MTBP: variants seen among roughly 807,000 people sequenced by gnomAD.
The protein encoded by MTBP is MDM2 binding protein, also known as mdm2-binding protein.
A neutral mutation model predicts 117.0 loss-of-function variants in MTBP; 101 were observed. The ratio of observed to expected loss-of-function variants is 0.86; its 90% CI spans 0.73 to 1.02. The LOEUF is 1.02. Among genes scored for constraint, MTBP ranks in the 50% least tolerant of loss-of-function variants. MTBP has a pLI of 0.00. For synonymous variants in MTBP, 350 were observed against 351.5 expected (o/e 1.00, Z 0.05); for missense variants, 970 against 1,030.9 (o/e 0.94, Z 0.81).
intron 13 of MTBP, among the ~76,000 whole-genome samples, chr8:120,491,721 C>T (rs1814350972): frequency 6.6e-6 from 1 of 152,144 alleles, no homozygotes; most frequent in Non-Finnish European, 1.5e-5. Flanking sequence ...TGCCATATGC[C>T]TCTGGCAGCT....
chr8:120,452,226 G>C (rs538738835), intron 4 of MTBP: 1 of 152,096 alleles, frequency 6.6e-6, no homozygotes, highest in South Asian at 2.1e-4. Context: ...TGACAAAACT[G>C]CTCTTATTTT....
At chr8:120,455,964 A>G (rs1813460660) in intron 6 of MTBP, among the ~76,000 whole-genome samples, 1 of 152,156 alleles carries the variant, frequency 6.6e-6, no homozygotes, top group Non-Finnish European at 1.5e-5. Flanking sequence ...GCAAGGATTA[A>G]TTGTATATTA....
intron 15 of MTBP, among the ~76,000 whole-genome samples, chr8:120,502,835 C>T (rs889040271): frequency 6.6e-6 from 1 of 152,200 alleles, no homozygotes; most frequent in Non-Finnish European, 1.5e-5. Context: ...TCTGTGTCAT[C>T]ACAGTGAACA....
chr8:120,502,398 C>G, intron 14 of MTBP, 94 bp from the exon 15 acceptor site: 1 of 761,230 alleles, frequency 1.3e-6, no homozygotes, highest in South Asian at 2.2e-5. Context: ...CACATACACA[C>G]ACACGTATGT....
chr8:120,461,053 A>G, intron 8 of MTBP, 108 bp from the exon 9 acceptor site: 1 of 731,378 alleles, frequency 1.4e-6, no homozygotes. Context: ...TTAATGTGTA[A>G]AAAGTTGCTT....
intron 9 of MTBP, among the ~76,000 whole-genome samples, chr8:120,462,628 A>T (rs1813604796): frequency 6.6e-6 from 1 of 152,184 alleles, no homozygotes; most frequent in South Asian, 2.1e-4. Context: ...ATCTATTATT[A>T]ATACTTCTTT....
chr8:120,463,928 A>G (rs977036144), intron 10 of MTBP, among the ~76,000 whole-genome samples, 167 bp downstream of exon 10: 1 of 152,086 alleles, frequency 6.6e-6, no homozygotes, highest in Admixed American at 6.6e-5. Context: ...GATACTTTGG[A>G]CTTTTCATAA....
intron 6 of MTBP, among the ~76,000 whole-genome samples, 182 bp downstream of exon 6, chr8:120,455,761 TTA>T (rs1251686027): frequency 6.6e-6 from 1 of 152,096 alleles, no homozygotes; most frequent in Non-Finnish European, 1.5e-5. Flanking sequence ...TATTTTATAT[TTA>T]TGTTTCTGAG....
intron 2 of MTBP, among the ~76,000 whole-genome samples, chr8:120,449,703 A>G (rs984744974): frequency 1.3e-5 from 2 of 152,188 alleles, no homozygotes; most frequent in Admixed American, 1.3e-4. Flanking sequence ...AAGAATAAGG[A>G]GCAGCCAGAA....
At chr8:120,464,480 T>G (rs775183225) in intron 10 of MTBP, among the ~76,000 whole-genome samples, 2 of 152,050 alleles carry the variant, frequency 1.3e-5, no homozygotes, top group African/African-American at 2.4e-5. Flanking sequence ...TTCTTATTGT[T>G]TTAATAACAA....
intron 5 of MTBP, 68 bp from the exon 6 acceptor site, chr8:120,455,367 G>C: frequency 1.2e-6 from 1 of 861,712 alleles, no homozygotes; most frequent in Non-Finnish European, 1.8e-6. Context: ...AGTTCTTCAG[G>C]GTACTATTTT....
intron 14 of MTBP, among the ~76,000 whole-genome samples, chr8:120,500,530 G>C (rs1431334165): frequency 6.6e-6 from 1 of 152,172 alleles, no homozygotes; most frequent in Non-Finnish European, 1.5e-5. Context: ...TTAGTGGAAA[G>C]CCGCATGAAC....
intron 10 of MTBP, among the ~76,000 whole-genome samples, chr8:120,467,851 G>A (rs1305425732): frequency 6.6e-6 from 1 of 152,200 alleles, no homozygotes; most frequent in Non-Finnish European, 1.5e-5. Context: ...TGTAGCAAAT[G>A]TCTAGTCAAT....
intron 14 of MTBP, 128 bp downstream of exon 14, chr8:120,497,682 T>C: frequency 1.6e-6 from 1 of 608,572 alleles, no homozygotes; most frequent in Non-Finnish European, 2.8e-6. Context: ...TAATAGATAC[T>C]TATATAGATA....
At chr8:120,492,562 A>T (rs1814367903) in intron 13 of MTBP, among the ~76,000 whole-genome samples, 2 of 152,154 alleles carry the variant, frequency 1.3e-5, no homozygotes, top group African/African-American at 4.8e-5. Context: ...AGAAAAACAA[A>T]ATTTGTTCAA....
chr8:120,518,880 A>G, intron 20 of MTBP, 63 bp downstream of exon 20: 5 of 1,141,514 alleles, frequency 4.4e-6, no homozygotes, highest in Non-Finnish European at 6.3e-6. Context: ...TGTTTGACAT[A>G]AAAAAAAGTT....
chr8:120,466,638 C>T (rs931465528), intron 10 of MTBP, among the ~76,000 whole-genome samples: 4 of 151,548 alleles, frequency 2.6e-5, no homozygotes, highest in African/African-American at 9.7e-5. Flanking sequence ...TTTGGGAGGC[C>T]GAGGCAGGTG....
intron 11 of MTBP, among the ~76,000 whole-genome samples, chr8:120,483,563 G>GT (rs1436877940): frequency 6.6e-6 from 1 of 151,830 alleles, no homozygotes; most frequent in Non-Finnish European, 1.5e-5. Context: ...GTATTATAAG[G>GT]TTTTAAGAAC....
Position 120,461,216 on chromosome 8 carries a change from A to T in MTBP, c.938A>T (p.Asp313Val). ...LEFVQMIKLSDLPSCYMSDIE... is the reference protein window; with the variant it reads ...LEFVQMIKLSVLPSCYMSDIE... ...TTTGTGCAGATGATAAAATTATCAG[A>T]TCTACCCTCCTGCTATATGTCGGAT... Residue 313 changes from aspartate to valine, a missense_variant, in exon 9 of 22, where the codon GAT becomes GTT. Asp to Val is a radical substitution (Grantham distance 152). Transcript: ENST00000305949. 1 of 1,606,242 alleles carries T rather than the reference A, an allele frequency of 6.2e-7. No individual in the cohort carries two copies. Among genetic ancestry groups the T allele is most frequent in the Non-Finnish European group, 8.5e-7 (1 of 1,173,490 alleles).
Sources: gnomAD v4.1 joint callset for allele counts (sites outside exome capture counted in the v4.1 genomes callset) on GRCh38, gnomAD v4.1.1 for gene constraint, MANE v1.5 for transcripts, NCBI Gene and HGNC (gene_info 2026-07-23, HGNC 2026-07-21) for gene names.